SLC22A25: variants seen among roughly 807,000 people sequenced by gnomAD.
The protein encoded by SLC22A25 is solute carrier family 22 member 25, also known as MGI:2442751, MGI:2385316, MGI:3042283, MGI:3645714, MGI:3605624, MGI:2442750.
SLC22A25 carries 44 observed loss-of-function variants against 45.9 expected under a neutral mutation model. The ratio of observed to expected loss-of-function variants is 0.96; its 90% CI spans 0.75 to 1.23. The LOEUF is 1.23. Among genes scored for constraint, SLC22A25 ranks in the 50% most tolerant of loss-of-function variants. The pLI, the probability that SLC22A25 is intolerant of heterozygous loss-of-function variation, is 0.00. For synonymous variants in SLC22A25, 283 were observed against 238.6 expected, an observed-to-expected ratio of 1.19 and a Z score of -1.72; for missense variants, 800 against 666.4, an observed-to-expected ratio of 1.20 and a Z score of -2.21.
chr11:63,163,745 C>T lies in SLC22A25; in HGVS notation c.*79G>A, dbSNP rs1265347204. 6.6e-7 allele frequency: 1 copy of T among 1,526,636 alleles called. No individual in the cohort carries two copies. Among genetic ancestry groups the T allele is most frequent in the African/African-American group, 1.4e-5 (1 of 72,088 alleles). 94.6% of individuals were successfully genotyped at this position (1,526,636 alleles called of 1,614,324 possible). A position where few individuals can be genotyped will look rare whatever the true frequency, so the allele number is the denominator to read the frequency against. ...GATACACCAAAGGCAAAGGCACTGA[C>T]TACATGGGAATAGCCCAGATCTAAG... On this transcript the variant is annotated 3_prime_UTR_variant, in exon 12 of 12. Coordinates refer to ENST00000306494, the MANE Select transcript of SLC22A25 (RefSeq NM_199352.6).
intron 5 of SLC22A25, among the ~76,000 whole-genome samples, chr11:63,228,169 G>A (rs2089999052): frequency 6.6e-6 from 1 of 152,176 alleles, no homozygotes; most frequent in African/African-American, 2.4e-5. Flanking sequence ...GACAATCAGT[G>A]GAAGCTTCTG....
intron 8 of SLC22A25, among the ~76,000 whole-genome samples, chr11:63,182,792 C>T (rs1023917385): frequency 3.9e-5 from 6 of 151,958 alleles, no homozygotes; most frequent in Non-Finnish European, 7.4e-5. Flanking sequence ...TGTCATTGAC[C>T]ATGTCTTAAG....
chr11:63,189,727 T>C (rs1011349786), intron 7 of SLC22A25, among the ~76,000 whole-genome samples: 1 of 152,252 alleles, frequency 6.6e-6, no homozygotes, highest in South Asian at 2.1e-4. Context: ...GGAGCTCTTT[T>C]AAGGCAGGCC....
chr11:63,234,805 C>T (rs1409977772), intron 3 of SLC22A25, among the ~76,000 whole-genome samples: 1 of 152,130 alleles, frequency 6.6e-6, no homozygotes, highest in Non-Finnish European at 1.5e-5. Flanking sequence ...TTAGTGCTTC[C>T]TTCAGGAGCT....
chr11:63,241,321 G>C (rs2090244557), intron 1 of SLC22A25, among the ~76,000 whole-genome samples: 3 of 152,102 alleles, frequency 2.0e-5, no homozygotes, highest in Admixed American at 2.0e-4. Context: ...GCATTGGAGA[G>C]GCTAATGACA....
Position 63,234,413 on chromosome 11 carries a change from A to T in SLC22A25, c.-445+3468T>A, listed in dbSNP as rs180919170. 5.5e-3 allele frequency among the ~76,000 whole-genome samples: 829 copies of T among 151,886 alleles called. 9 individuals are homozygous for T. Among genetic ancestry groups the T allele is most frequent in the African/African-American group, 0.019 (782 of 41,402 alleles). ...GTAATGGCCTTCTTTGTCCCTTTTG[A>T]TCTTTGTTGGTTTAAAGTCTGTTTT... On this transcript the variant is annotated intron_variant, in intron 3 of 11. Coordinates refer to ENST00000306494, the MANE Select transcript of SLC22A25 (RefSeq NM_199352.6).
At chr11:63,213,662 C>G (rs373884049) in intron 7 of SLC22A25, among the ~76,000 whole-genome samples, 1 of 152,134 alleles carries the variant, frequency 6.6e-6, no homozygotes, top group African/African-American at 2.4e-5. Flanking sequence ...CTATAAATAC[C>G]TTGAACCCAG....
At chr11:63,201,517 T>C (rs1050220200) in intron 7 of SLC22A25, among the ~76,000 whole-genome samples, 25 of 152,138 alleles carry the variant, frequency 1.6e-4, no homozygotes, top group Admixed American at 1.6e-3. Flanking sequence ...TCAATATAAA[T>C]TGAAAACTTA....
At chr11:63,220,084 G>T in intron 5 of SLC22A25, 1 of 1,085,162 alleles carries the variant, frequency 9.2e-7, no homozygotes, top group Non-Finnish European at 1.2e-6. Context: ...GTCACAGACT[G>T]TGACAATATT....
At position 63,160,618 on chromosome 11, in the gene SLC22A25, G is replaced by T. The variant is rs2087525650; in HGVS notation, c.*3206C>A. ...TCTCCATCGGAGACTGCTTAGTGGA[G>T]CTGTGAGAAGAGGGTCTTCGACCTC... On this transcript the variant is annotated 3_prime_UTR_variant, in exon 12 of 12. Transcript: ENST00000306494. Among the ~76,000 whole-genome samples, 1 of 152,188 alleles carries T rather than the reference G, an allele frequency of 6.6e-6. No homozygotes were observed. Among genetic ancestry groups the T allele is most frequent in the East Asian group, 1.9e-4 (1 of 5,198 alleles).
intron 3 of SLC22A25, among the ~76,000 whole-genome samples, chr11:63,233,137 T>C (rs1033622421): frequency 2.0e-5 from 3 of 152,220 alleles, no homozygotes; most frequent in East Asian, 1.9e-4. Flanking sequence ...ATCAGGATGA[T>C]GCTGGCCTCA....
intron 5 of SLC22A25, among the ~76,000 whole-genome samples, chr11:63,222,392 G>C (rs996359881): frequency 6.6e-6 from 1 of 151,958 alleles, no homozygotes; most frequent in Non-Finnish European, 1.5e-5. Flanking sequence ...TATTGTAAAT[G>C]GGGTTACTTT....
chr11:63,196,156 C>T (rs890279631), intron 7 of SLC22A25, among the ~76,000 whole-genome samples: 4 of 152,174 alleles, frequency 2.6e-5, no homozygotes, highest in African/African-American at 9.7e-5. Flanking sequence ...TGATTCACAG[C>T]CGAATTCTAC....
intron 7 of SLC22A25, among the ~76,000 whole-genome samples, chr11:63,207,588 A>G (rs541835912): frequency 6.6e-6 from 1 of 152,274 alleles, no homozygotes; most frequent in African/African-American, 2.4e-5. Context: ...ACAGGAATTA[A>G]GAGAAATGAA....
intron 11 of SLC22A25, 31 bp downstream of exon 11, chr11:63,164,495 A>T (rs780781885): frequency 6.4e-7 from 1 of 1,573,982 alleles, no homozygotes; most frequent in Non-Finnish European, 8.7e-7. Context: ...GTCCATTTTG[A>T]GAATGACAGA....
chr11:63,224,425 T>G (rs370096970), intron 5 of SLC22A25, among the ~76,000 whole-genome samples: 72 of 152,290 alleles, frequency 4.7e-4, no homozygotes, highest in Admixed American at 1.6e-3. Context: ...TCATTTACAT[T>G]CAATAATATT....
At chr11:63,226,588 G>A (rs540363280) in intron 5 of SLC22A25, among the ~76,000 whole-genome samples, 4 of 152,250 alleles carry the variant, frequency 2.6e-5, no homozygotes, top group Non-Finnish European at 5.9e-5. Flanking sequence ...TCCTGGGTCA[G>A]ACCTGAAGAC....
rs774897803 is a variant in SLC22A25 at position 63,164,618 on chromosome 11, A to G, written c.1302T>C (p.Arg434=). Residue 434 remains arginine (R), a synonymous_variant, in exon 11 of 12, where the codon CGT becomes CGC. Transcript: ENST00000306494. The part of the protein sequence containing the change: ...IFVPQEMQTL[R]VVLATLGVGA... ...CCACACCCAGGGTTGCCAAAACCAC[A>G]CGCAGGGTCTGCATTTCTGGAGAAA... The G allele has an allele frequency of 6.2e-7, 1 of 1,613,674 alleles. No individual in the cohort carries two copies. Among genetic ancestry groups the G allele is most frequent in the Non-Finnish European group, 8.5e-7 (1 of 1,179,770 alleles).
chr11:63,217,564 C>T lies in SLC22A25; in HGVS notation c.661+17G>A, dbSNP rs189470533. 1.9e-5 allele frequency: 30 copies of T among 1,609,922 alleles called. 1 individual carries two copies. In the East Asian group the frequency reaches 4.0e-4, roughly 22 times the overall value. On this transcript the variant is annotated intron_variant, in intron 6 of 11. Coordinates refer to ENST00000306494, the MANE Select transcript of SLC22A25 (RefSeq NM_199352.6). ...AAGCCAAGGCTTGGAAAATGTGGAT[C>T]GAAAATATTGACTTACTTAACAAAA... is the stretch of plus-strand genomic sequence containing the variant.
Sources: gnomAD v4.1 joint callset for allele counts (sites outside exome capture counted in the v4.1 genomes callset) on GRCh38, gnomAD v4.1.1 for gene constraint, MANE v1.5 for transcripts, NCBI Gene and HGNC (gene_info 2026-07-23, HGNC 2026-07-21) for gene names.